The following SLC9A9 variants were observed in gnomAD, a reference collection of about 807,000 sequenced individuals.
The protein encoded by SLC9A9 is sodium/hydrogen exchanger 9.
SLC9A9 carries 62 observed loss-of-function variants against 77.8 expected under a neutral mutation model. The observed-to-expected ratio is 0.80, with a 90% CI of 0.65 to 0.98. The LOEUF (loss-of-function observed/expected upper bound fraction) is 0.98. Among genes scored for constraint, SLC9A9 ranks in the 50% least tolerant of loss-of-function variants. SLC9A9 has a pLI of 0.00. For synonymous variants in SLC9A9, 320 were observed against 283.5 expected, an observed-to-expected ratio of 1.13 and a Z score of -1.29; for missense variants, 775 against 774.9, an observed-to-expected ratio of 1.00 and a Z score of 0.00.
At chr3:143,726,352 G>A (rs1278978368) in intron 4 of SLC9A9, among the ~76,000 whole-genome samples, 2 of 151,926 alleles carry the variant, frequency 1.3e-5, no homozygotes, top group Non-Finnish European at 2.9e-5. Context: ...TGGGCATAAT[G>A]GGAAGGCTCT....
intron 12 of SLC9A9, among the ~76,000 whole-genome samples, chr3:143,445,748 T>C (rs532669568): frequency 6.6e-6 from 1 of 152,316 alleles, no homozygotes; most frequent in East Asian, 1.9e-4. Flanking sequence ...CACTAGCCAA[T>C]AGGTGGCCAG....
intron 4 of SLC9A9, among the ~76,000 whole-genome samples, chr3:143,703,613 G>T (rs1933868110): frequency 6.6e-6 from 1 of 151,340 alleles, no homozygotes; most frequent in Non-Finnish European, 1.5e-5. Flanking sequence ...TATCAAGGAA[G>T]AAAAAAAACT....
At chr3:143,483,150 C>T (rs1002326519) in intron 11 of SLC9A9, among the ~76,000 whole-genome samples, 2 of 152,200 alleles carry the variant, frequency 1.3e-5, no homozygotes, top group South Asian at 4.1e-4. Context: ...GACGTTGACA[C>T]CCATGTGGCA....
chr3:143,327,945 G>A (rs2031651840), intron 14 of SLC9A9, among the ~76,000 whole-genome samples: 1 of 152,180 alleles, frequency 6.6e-6, no homozygotes, highest in Admixed American at 6.5e-5. Context: ...TGCAGACTTA[G>A]ATTTTCTAAA....
intron 4 of SLC9A9, among the ~76,000 whole-genome samples, chr3:143,732,623 G>T (rs1031306627): frequency 9.9e-5 from 15 of 152,178 alleles, no homozygotes; most frequent in African/African-American, 3.4e-4. Flanking sequence ...TCATTACAAA[G>T]CTATTGCTTA....
intron 2 of SLC9A9, among the ~76,000 whole-genome samples, chr3:143,803,548 C>T (rs774365798): frequency 3.4e-4 from 52 of 152,216 alleles, no homozygotes; most frequent in Non-Finnish European, 1.0e-4. Context: ...CCACTCTTAA[C>T]TCCCTCTTAG....
At chr3:143,653,950 G>A (rs2038843737) in intron 5 of SLC9A9, among the ~76,000 whole-genome samples, 1 of 152,192 alleles carries the variant, frequency 6.6e-6, no homozygotes, top group African/African-American at 2.4e-5. Context: ...GAATAAGAGA[G>A]AACATCAAGG....
At chr3:143,700,833 C>G (rs919153448) in intron 4 of SLC9A9, among the ~76,000 whole-genome samples, 4 of 152,236 alleles carry the variant, frequency 2.6e-5, no homozygotes, top group Admixed American at 6.5e-5. Flanking sequence ...GGAGTGGTTA[C>G]AGCAGGCCTT....
rs111717977 is a variant in SLC9A9 at position 143,660,651 on chromosome 3, A to G, written c.650-8291T>C. Among the ~76,000 whole-genome samples, 840 of 152,300 alleles carry G rather than the reference A, an allele frequency of 5.5e-3. 8 individuals are homozygous for G. Among genetic ancestry groups the G allele is most frequent in the Non-Finnish European group, 9.6e-3 (655 of 68,032 alleles). ...GTAATTTCTCATAGCAGTTCTAGCA[A>G]ACAAATACACTCTGCTCCCCTCTTA... On this transcript the variant is annotated intron_variant, in intron 5 of 15. Transcript: ENST00000316549.
At chr3:143,391,437 A>G (rs2033563059) in intron 12 of SLC9A9, among the ~76,000 whole-genome samples, 1 of 152,236 alleles carries the variant, frequency 6.6e-6, no homozygotes, top group Admixed American at 6.5e-5. Flanking sequence ...CATCCACACC[A>G]AAACCCCATC....
chr3:143,741,984 T>A (rs1272921435), intron 4 of SLC9A9, among the ~76,000 whole-genome samples: 2 of 152,028 alleles, frequency 1.3e-5, no homozygotes, highest in African/African-American at 4.8e-5. Context: ...GAGACTAGAT[T>A]GCCTTTGTAG....
intron 12 of SLC9A9, among the ~76,000 whole-genome samples, chr3:143,383,848 G>A (rs1409025801): frequency 6.6e-6 from 1 of 152,174 alleles, no homozygotes; most frequent in African/African-American, 2.4e-5. Context: ...GGGGAAGCAA[G>A]GCCATGTGAG....
At chr3:143,572,326 C>T (rs183361317) in intron 8 of SLC9A9, among the ~76,000 whole-genome samples, 109 of 149,606 alleles carry the variant, frequency 7.3e-4, no homozygotes, top group African/African-American at 2.4e-3. Flanking sequence ...TGTGTGTGCG[C>T]GTGTGTTTAT....
intron 12 of SLC9A9, among the ~76,000 whole-genome samples, chr3:143,411,820 C>T (rs542420220): frequency 6.6e-6 from 1 of 152,084 alleles, no homozygotes; most frequent in South Asian, 2.1e-4. Flanking sequence ...TTGTGTGCTC[C>T]CTCAATACCT....
In SLC9A9 at chr3:143,679,881, A is replaced by G. The variant is rs1488112053; in HGVS notation, c.649+13311T>C. ...TTAAAGAGACAGAAGAAAATTAAAT[A>G]AAAGGAAATATCAGGTATGAAAAAC... On this transcript the variant is annotated intron_variant, in intron 5 of 15. Coordinates refer to ENST00000316549, the MANE Select transcript of SLC9A9 (RefSeq NM_173653.4). Among the ~76,000 whole-genome samples the G allele has an allele frequency of 2.0e-5, 3 of 152,220 alleles. No homozygotes were observed. In the East Asian group the frequency reaches 5.8e-4, roughly 29 times the overall value.
intron 6 of SLC9A9, among the ~76,000 whole-genome samples, chr3:143,585,129 C>T (rs2037520473): frequency 6.6e-6 from 1 of 152,150 alleles, no homozygotes; most frequent in Non-Finnish European, 1.5e-5. Context: ...TCACAGCTGC[C>T]ACAAGATCTT....
chr3:143,329,012 T>A (rs2031685555), intron 14 of SLC9A9, among the ~76,000 whole-genome samples: 1 of 152,188 alleles, frequency 6.6e-6, no homozygotes, highest in Non-Finnish European at 1.5e-5. Flanking sequence ...CCACTCGAGT[T>A]GACCTTTGCA....
chr3:143,316,290 G>T (rs1576419705), intron 14 of SLC9A9, among the ~76,000 whole-genome samples: 1 of 152,318 alleles, frequency 6.6e-6, no homozygotes, highest in African/African-American at 2.4e-5. Flanking sequence ...CAAGGAGTTT[G>T]CCATCAGTGA....
intron 5 of SLC9A9, among the ~76,000 whole-genome samples, chr3:143,672,898 C>T (rs986657202): frequency 6.6e-6 from 1 of 152,104 alleles, no homozygotes; most frequent in Non-Finnish European, 1.5e-5. Context: ...GTAGTTAATA[C>T]CTATTTTTAT....
Sources: gnomAD v4.1 joint callset for allele counts (sites outside exome capture counted in the v4.1 genomes callset) on GRCh38, gnomAD v4.1.1 for gene constraint, MANE v1.5 for transcripts, NCBI Gene and HGNC (gene_info 2026-07-23, HGNC 2026-07-21) for gene names.